The following KCNIP1 variants were observed in gnomAD, a reference collection of about 807,000 sequenced individuals.
The protein encoded by KCNIP1 is potassium voltage-gated channel interacting protein 1.
In KCNIP1, 18 loss-of-function variants were observed where a neutral mutation model predicts 33.0. The observed-to-expected ratio is 0.55, with a 90% CI of 0.38 to 0.81. KCNIP1 has a LOEUF of 0.81. Ranked by LOEUF, KCNIP1 falls within the 30% of genes least tolerant of loss-of-function variation. The pLI, the probability that KCNIP1 is intolerant of heterozygous loss-of-function variation, is 0.00. For synonymous variants in KCNIP1, 93 were observed against 98.3 expected, an observed-to-expected ratio of 0.95 and a Z score of 0.32; for missense variants, 238 against 271.6, an observed-to-expected ratio of 0.88 and a Z score of 0.87.
At chr5:170,696,827 A>G (rs943726929) in intron 1 of KCNIP1, among the ~76,000 whole-genome samples, 1 of 152,142 alleles carries the variant, frequency 6.6e-6, no homozygotes, top group Non-Finnish European at 1.5e-5. Context: ...ATCAAGGAGA[A>G]GATCATAAAA....
chr5:170,406,750 A>G (rs542855717), intron 1 of KCNIP1, among the ~76,000 whole-genome samples: 1 of 152,236 alleles, frequency 6.6e-6, no homozygotes, highest in African/African-American at 2.4e-5. Flanking sequence ...CGAGGCCTGG[A>G]GGGTCTTTGC....
intron 1 of KCNIP1, among the ~76,000 whole-genome samples, chr5:170,537,885 C>T (rs1581292161): frequency 6.6e-6 from 1 of 152,322 alleles, no homozygotes; most frequent in African/African-American, 2.4e-5. Context: ...CTTCCAATTC[C>T]CCAATCTGAG....
intron 1 of KCNIP1, among the ~76,000 whole-genome samples, chr5:170,594,921 C>A (rs1758392261): frequency 6.6e-6 from 1 of 152,204 alleles, no homozygotes; most frequent in South Asian, 2.1e-4. Flanking sequence ...ACCCATAGCT[C>A]CTGTTGGGTT....
chr5:170,376,785 G>C (rs1019939926), intron 1 of KCNIP1: 1 of 151,864 alleles, frequency 6.6e-6, no homozygotes, highest in African/African-American at 2.4e-5. Context: ...TTAATACCTG[G>C]GTGATGAAAT....
At chr5:170,506,713 C>T (rs1691390624) in intron 1 of KCNIP1, among the ~76,000 whole-genome samples, 1 of 152,206 alleles carries the variant, frequency 6.6e-6, no homozygotes, top group African/African-American at 2.4e-5. Context: ...ACCCTCACAA[C>T]AATGTTCGTT....
chr5:170,538,803 A>G (rs1756089325), intron 1 of KCNIP1, among the ~76,000 whole-genome samples: 1 of 151,142 alleles, frequency 6.6e-6, no homozygotes. Flanking sequence ...ATCATTTGTC[A>G]TATGTTCCTC....
At chr5:170,561,949 A>G (rs909260169) in intron 1 of KCNIP1, among the ~76,000 whole-genome samples, 2 of 152,358 alleles carry the variant, frequency 1.3e-5, no homozygotes, top group South Asian at 2.1e-4. Context: ...CATAAAGTCA[A>G]TAAATTGTAA....
intron 1 of KCNIP1, among the ~76,000 whole-genome samples, chr5:170,640,145 A>G (rs1393921755): frequency 1.3e-5 from 2 of 152,246 alleles, no homozygotes; most frequent in Non-Finnish European, 2.9e-5. Flanking sequence ...CAGATTTGCC[A>G]CAGAGCTGGG....
rs146061907 is a variant in KCNIP1, at chr5:170,537,242, C to T, written c.61+32609C>T. ...TCCCCTGGCCTGGTTCCTACAATCC[C>T]AACTTTGACAATTGTGTGACCTCGG... is the stretch of plus-strand genomic sequence containing the variant. On this transcript the variant is annotated intron_variant, in intron 1 of 7. Coordinates refer to ENST00000328939, the MANE Select transcript of KCNIP1 (RefSeq NM_014592.4). Among the ~76,000 whole-genome samples, 10 of 152,262 alleles carry T rather than the reference C, an allele frequency of 6.6e-5. 1 individual carries two copies. The highest frequency in any genetic ancestry group is 2.4e-4 in the African/African-American group (10 of 41,536).
chr5:170,503,000 T>C (rs1021688156), upstream of KCNIP1, among the ~76,000 whole-genome samples: 2 of 152,134 alleles, frequency 1.3e-5, no homozygotes, highest in Non-Finnish European at 1.5e-5. Flanking sequence ...CATTGCCCCT[T>C]CAAGCACTAA....
chr5:170,480,034 A>G (rs7712568), intron 1 of KCNIP1, among the ~76,000 whole-genome samples: 59,258 of 152,092 alleles, frequency 0.39, 13,643 homozygotes, highest in Middle Eastern at 0.59. Flanking sequence ...AAATGTTTCA[A>G]ACACCTAAAA....
At chr5:170,557,390 G>T (rs973366554) in intron 1 of KCNIP1, among the ~76,000 whole-genome samples, 22 of 152,120 alleles carry the variant, frequency 1.4e-4, no homozygotes, top group Non-Finnish European at 1.9e-4. Flanking sequence ...GTGTGGCCTG[G>T]AGAAGTGGTT....
intron 1 of KCNIP1, among the ~76,000 whole-genome samples, chr5:170,492,955 G>A (rs976850939): frequency 2.0e-5 from 3 of 152,172 alleles, no homozygotes; most frequent in East Asian, 3.9e-4. Flanking sequence ...TCACCATGCT[G>A]GCCAGGATGG....
intron 1 of KCNIP1, among the ~76,000 whole-genome samples, chr5:170,638,504 C>T (rs1049375635): frequency 1.3e-5 from 2 of 152,162 alleles, no homozygotes; most frequent in African/African-American, 4.8e-5. Flanking sequence ...AGGTCTTGAC[C>T]GCAATGGAAT....
intron 1 of KCNIP1, among the ~76,000 whole-genome samples, chr5:170,610,523 C>T (rs1759103956): frequency 6.6e-6 from 1 of 152,184 alleles, no homozygotes; most frequent in Non-Finnish European, 1.5e-5. Flanking sequence ...TGGAGAATAT[C>T]CCAGCATTGC....
intron 1 of KCNIP1, among the ~76,000 whole-genome samples, chr5:170,676,627 A>G (rs544509707): frequency 6.6e-6 from 1 of 152,322 alleles, no homozygotes; most frequent in African/African-American, 2.4e-5. Flanking sequence ...TTTAGACAGT[A>G]CCTTACCAGG....
Position 170,504,582 on chromosome 5 carries a change from G to A in KCNIP1, c.10G>A (p.Val4Ile). 4 of 1,613,544 alleles carry A rather than the reference G, an allele frequency of 2.5e-6. No homozygotes were observed. The highest frequency in any genetic ancestry group is 3.4e-6 in the Non-Finnish European group (4 of 1,179,986). Residue 4 changes from valine (V) to isoleucine (I), a missense_variant, in exon 1 of 8, where the codon GTC (valine) becomes ATC (isoleucine). Coordinates refer to ENST00000328939, the MANE Select transcript of KCNIP1 (RefSeq NM_014592.4). This position sits in a 1 kb window ranked among gnomAD's most constrained non-coding sequence, Gnocchi z 6.0. MGAVMGTFSSLQTK... is the reference protein window; with the variant it reads MGAIMGTFSSLQTK... ...TCAAGTCTTCGCTGCCATGGGGGCC[G>A]TCATGGGCACCTTCTCATCTCTGCA...
intron 1 of KCNIP1, among the ~76,000 whole-genome samples, chr5:170,479,796 T>C (rs1034061115): frequency 6.6e-6 from 1 of 152,242 alleles, no homozygotes; most frequent in Admixed American, 6.5e-5. Flanking sequence ...TGTTCCTGAT[T>C]CATATTTGTG....
At chr5:170,517,938 G>C (rs1755208948) in intron 1 of KCNIP1, among the ~76,000 whole-genome samples, 1 of 151,172 alleles carries the variant, frequency 6.6e-6, no homozygotes, top group African/African-American at 2.4e-5. Context: ...TAATGGTAAT[G>C]ATGGTAGTGA....
Sources: allele counts gnomAD v4.1 joint callset (sites outside exome capture counted in the v4.1 genomes callset), GRCh38; gene constraint gnomAD v4.1.1; non-coding constraint Gnocchi (gnomAD v3.1); transcripts MANE v1.5; gene names NCBI Gene and HGNC (gene_info 2026-07-23, HGNC 2026-07-21).